Variants in CREBRF observed in about 807,000 individuals in gnomAD.
The protein encoded by CREBRF is UPF0474 protein C5orf41.
In CREBRF, 5 loss-of-function variants were observed where a neutral mutation model predicts 66.1. That is an observed-to-expected ratio of 0.08 (90% CI 0.04 to 0.16). The LOEUF (loss-of-function observed/expected upper bound fraction) is 0.16. Ranked by LOEUF, CREBRF falls within the 10% of genes least tolerant of loss-of-function variation. The pLI, the probability that CREBRF is intolerant of heterozygous loss-of-function variation, is 1.00. For synonymous variants in CREBRF, 229 were observed against 264.4 expected, an observed-to-expected ratio of 0.87 and a Z score of 1.30; for missense variants, 531 against 744.9, an observed-to-expected ratio of 0.71 and a Z score of 3.34.
At chr5:173,131,137 T>C (rs1049435230) in intron 8 of CREBRF, among the ~76,000 whole-genome samples, 2 of 152,202 alleles carry the variant, frequency 1.3e-5, no homozygotes, top group Non-Finnish European at 2.9e-5. Flanking sequence ...CACCCAGCCC[T>C]CACCAGTTGT....
intron 2 of CREBRF, chr5:173,086,124 G>A (rs1758137411): frequency 1.2e-6 from 1 of 801,282 alleles, no homozygotes; most frequent in African/African-American, 1.7e-5. Flanking sequence ...TTATTCCGAT[G>A]GAAATTTGTT....
In CREBRF at chr5:173,135,706, A is replaced by G. The variant is rs910976960; in HGVS notation, c.*1961A>G. On this transcript the variant is annotated 3_prime_UTR_variant, in exon 9 of 9. Transcript: ENST00000296953. ...TGTTACCCCATTTGTAAGCTATAGC[A>G]TATGAAGCTATATATATAGCTTGTG... 9.9e-5 allele frequency: 15 copies of G among 152,254 alleles called. No individual in the cohort carries two copies. Among genetic ancestry groups the G allele is most frequent in the African/African-American group, 3.4e-4 (14 of 41,426 alleles). 9.4% of individuals were successfully genotyped at this position (152,254 alleles called of 1,614,324 possible). A position where few individuals can be genotyped will look rare whatever the true frequency, so the allele number is the denominator to read the frequency against.
chr5:173,080,686 A>G lies in CREBRF; in HGVS notation c.-90A>G, dbSNP rs1419013583. Reference sequence around the variant, plus strand: ...CTGTTTATTGTGGAAATCATCTTCGATCTTGGAATTGAAAGTAAAGCTGGA... The same window carrying G: ...CTGTTTATTGTGGAAATCATCTTCGGTCTTGGAATTGAAAGTAAAGCTGGA... On this transcript the variant is annotated 5_prime_UTR_variant, in exon 2 of 9. Transcript: ENST00000296953. 25 of 1,334,440 alleles carry G rather than the reference A, an allele frequency of 1.9e-5. No individual in the cohort carries two copies. The South Asian group carries it at 3.0e-4, about 16-fold the overall frequency. 82.7% of individuals were successfully genotyped at this position (1,334,440 alleles called of 1,614,324 possible). A position where few individuals can be genotyped will look rare whatever the true frequency, so the allele number is the denominator to read the frequency against.
chr5:173,059,256 CT>C (rs780723745), intron 1 of CREBRF, among the ~76,000 whole-genome samples: 1 of 117,664 alleles, frequency 8.5e-6, no homozygotes, highest in East Asian at 2.2e-4. Context: ...TCTTCTTTTT[CT>C]TTTTTTTCTT....
chr5:173,059,919 C>T (rs1002683939), intron 1 of CREBRF, among the ~76,000 whole-genome samples: 1 of 152,188 alleles, frequency 6.6e-6, no homozygotes, highest in African/African-American at 2.4e-5. Flanking sequence ...CATTCTCTGT[C>T]ATGGCAGGTG....
intron 1 of CREBRF, among the ~76,000 whole-genome samples, chr5:173,064,641 T>C (rs1286523526): frequency 1.3e-5 from 2 of 150,978 alleles, no homozygotes; most frequent in African/African-American, 2.4e-5. Flanking sequence ...CTCGGCTTAC[T>C]GCAACCTCCA....
intron 6 of CREBRF, among the ~76,000 whole-genome samples, chr5:173,111,128 C>T (rs1452216951): frequency 1.3e-5 from 2 of 152,142 alleles, no homozygotes; most frequent in Non-Finnish European, 2.9e-5. Context: ...TAAAAAGTTT[C>T]CTTATGTCTC....
intron 1 of CREBRF, among the ~76,000 whole-genome samples, chr5:173,073,449 A>G (rs1757654251): frequency 6.6e-6 from 1 of 152,198 alleles, no homozygotes; most frequent in Admixed American, 6.5e-5. Flanking sequence ...GATACATACA[A>G]ACTGAATATT....
chr5:173,056,642 C>T (rs950681064), intron 1 of CREBRF, among the ~76,000 whole-genome samples, 163 bp downstream of exon 1: 4 of 151,974 alleles, frequency 2.6e-5, no homozygotes, highest in East Asian at 1.9e-4. Context: ...CTAGGGCGCG[C>T]GGGCCTTGGG....
chr5:173,129,640 G>A (rs1471818428), intron 8 of CREBRF, among the ~76,000 whole-genome samples: 2 of 149,150 alleles, frequency 1.3e-5, no homozygotes, highest in Non-Finnish European at 3.0e-5. Flanking sequence ...CGAGAGGATC[G>A]CTTTTGCCCA....
At chr5:173,086,943 A>ATTT (rs1165232588) in intron 3 of CREBRF, among the ~76,000 whole-genome samples, 2 of 98,416 alleles carry the variant, frequency 2.0e-5, no homozygotes, top group Non-Finnish European at 4.2e-5. Context: ...CATCCAACTA[A>ATTT]TTTTGTTTTT....
intron 2 of CREBRF, chr5:173,085,330 G>A (rs1758111605): frequency 1.7e-6 from 2 of 1,152,054 alleles, no homozygotes; most frequent in African/African-American, 1.5e-5. Flanking sequence ...GCTCTGGAGA[G>A]ATGTTCATAG....
At chr5:173,111,505 G>C (rs539034100) in intron 6 of CREBRF, among the ~76,000 whole-genome samples, 1 of 152,184 alleles carries the variant, frequency 6.6e-6, no homozygotes, top group Non-Finnish European at 1.5e-5. Context: ...GATTACAGGC[G>C]TGAGCCAGTG....
chr5:173,057,903 A>G (rs1025006080), intron 1 of CREBRF, among the ~76,000 whole-genome samples: 6 of 151,568 alleles, frequency 4.0e-5, no homozygotes, highest in South Asian at 4.2e-4. Context: ...TCTTGCTAAC[A>G]TAAGTTGGTA....
chr5:173,129,509 C>T (rs1759357824), intron 8 of CREBRF, among the ~76,000 whole-genome samples: 1 of 151,936 alleles, frequency 6.6e-6, no homozygotes, highest in Admixed American at 6.6e-5. Context: ...ATCACTTGAG[C>T]CCAAGAGTTC....
chr5:173,101,323 C>T (rs1758623217), intron 4 of CREBRF, among the ~76,000 whole-genome samples: 1 of 152,086 alleles, frequency 6.6e-6, no homozygotes, highest in African/African-American at 2.4e-5. Context: ...TCCCAGAGTG[C>T]TGGAATTACT....
intron 4 of CREBRF, among the ~76,000 whole-genome samples, chr5:173,098,626 G>A (rs549286191): frequency 2.3e-4 from 35 of 152,210 alleles, no homozygotes; most frequent in African/African-American, 8.4e-4. Flanking sequence ...TTGGTCTGAA[G>A]TGTTATTCAA....
intron 1 of CREBRF, among the ~76,000 whole-genome samples, chr5:173,057,148 G>A (rs1757081614): frequency 6.6e-6 from 1 of 152,170 alleles, no homozygotes; most frequent in Non-Finnish European, 1.5e-5. Flanking sequence ...CGGCTGAGGG[G>A]CGGAGCCCTC....
rs1383521498 is a variant in CREBRF, at chr5:173,134,440, G to A, written c.*695G>A. 1.2e-5 allele frequency: 3 copies of A among 258,458 alleles called. No individual in the cohort carries two copies. Among genetic ancestry groups the A allele is most frequent in the East Asian group, 1.4e-4 (1 of 7,388 alleles). 16.0% of individuals were successfully genotyped at this position (258,458 alleles called of 1,614,324 possible). On this transcript the variant is annotated 3_prime_UTR_variant, in exon 9 of 9. Coordinates refer to ENST00000296953, the MANE Select transcript of CREBRF (RefSeq NM_153607.3). The stretch of plus-strand genomic sequence containing the variant: ...AGATATATAGATGGAAAAATTATGG[G>A]GTTTAAATGTTTTTTTGTTCCAACT...
Sources: gnomAD v4.1 joint callset for allele counts (sites outside exome capture counted in the v4.1 genomes callset) on GRCh38, gnomAD v4.1.1 for gene constraint, MANE v1.5 for transcripts, NCBI Gene and HGNC (gene_info 2026-07-23, HGNC 2026-07-21) for gene names.